The following UBE3A variants were observed in gnomAD, a reference collection of about 807,000 sequenced individuals.
UBE3A encodes ubiquitin protein ligase E3A.
A neutral mutation model predicts 83.4 loss-of-function variants in UBE3A; 6 were observed. The ratio of observed to expected loss-of-function variants is 0.07; its 90% CI spans 0.04 to 0.14. UBE3A has a LOEUF of 0.14. Among genes scored for constraint, UBE3A ranks in the 10% least tolerant of loss-of-function variants. The pLI, the probability that UBE3A is intolerant of heterozygous loss-of-function variation, is 1.00. For missense variants in UBE3A, 456 were observed against 1,036.1 expected, an observed-to-expected ratio of 0.44 and a Z score of 7.69; for synonymous variants, 337 against 355.4, an observed-to-expected ratio of 0.95 and a Z score of 0.58.
At chr15:25,400,365 T>C (rs1186245576) in intron 4 of UBE3A, among the ~76,000 whole-genome samples, 1 of 152,236 alleles carries the variant, frequency 6.6e-6, no homozygotes, top group East Asian at 1.9e-4. Flanking sequence ...CACATCCTCG[T>C]GTATACTTTA....
At chr15:25,413,268 A>C (rs1219743967) in intron 1 of UBE3A, among the ~76,000 whole-genome samples, 1 of 152,154 alleles carries the variant, frequency 6.6e-6, no homozygotes, top group Non-Finnish European at 1.5e-5. Flanking sequence ...ATAAATGCCT[A>C]TGTTGATCTA....
Position 25,375,197 on chromosome 15 carries a change from C to T in UBE3A, c.361+268G>A, listed in dbSNP as rs1183773022. 4 of 417,186 alleles carry T rather than the reference C, an allele frequency of 9.6e-6. No homozygotes were observed. The Admixed American group carries it at 1.6e-4, about 17-fold the overall frequency. The allele number at this position is 417,186 out of a possible 1,614,324, so 25.8% of individuals were successfully genotyped here. A position where few individuals can be genotyped will look rare whatever the true frequency, so the allele number is the denominator to read the frequency against. On this transcript the variant is annotated intron_variant, in intron 5 of 12. Transcript: ENST00000648336. ...TGGCCTAGTTTTGGAGATTCACTAC[C>T]ACTTAATACATTTTTCCTAAGAATT...
chr15:25,392,155 T>C (rs1025166663), intron 4 of UBE3A, among the ~76,000 whole-genome samples: 4 of 152,198 alleles, frequency 2.6e-5, no homozygotes, highest in Non-Finnish European at 5.9e-5. Flanking sequence ...TAACGTTCCA[T>C]GTGGGAAAAG....
At chr15:25,346,446 G>C (rs1595465693) in intron 11 of UBE3A, 1 of 118,584 alleles carries the variant, frequency 8.4e-6, no homozygotes, top group South Asian at 2.5e-4. Flanking sequence ...AAAAAGTACA[G>C]AGTCTCCTGA....
chr15:25,352,341 T>C (rs2076627774), intron 11 of UBE3A, among the ~76,000 whole-genome samples: 1 of 152,202 alleles, frequency 6.6e-6, no homozygotes, highest in African/African-American at 2.4e-5. Context: ...AACCAAAATA[T>C]CTATACAGGC....
intron 1 of UBE3A, among the ~76,000 whole-genome samples, chr15:25,414,973 G>C (rs1288056068): frequency 6.6e-6 from 1 of 152,136 alleles, no homozygotes; most frequent in Non-Finnish European, 1.5e-5. Flanking sequence ...TCTTACAAAA[G>C]AGAAAATTTT....
In UBE3A at chr15:25,371,151, C is replaced by T; in HGVS notation, c.1023G>A (p.Gln341=). The T allele has an allele frequency of 1.9e-6, 3 of 1,614,158 alleles. No homozygotes were observed. ...DQIRRMMETF[Q]QLITYKVISN... Reference sequence around the variant, plus strand: ...TTATGACTTTATAAGTAATAAGTTGCTGAAATGTCTCCATCATTCTCCGAA... The same window carrying T: ...TTATGACTTTATAAGTAATAAGTTGTTGAAATGTCTCCATCATTCTCCGAA... Residue 341 remains glutamine, a synonymous_variant, in exon 6 of 13, where the codon CAG becomes CAA. Transcript: ENST00000648336. This position sits in a 1 kb window ranked among gnomAD's most constrained non-coding sequence, Gnocchi z 5.3.
intron 4 of UBE3A, among the ~76,000 whole-genome samples, chr15:25,390,079 AATTAAAATTAT>A (rs918251554): frequency 6.6e-6 from 1 of 152,180 alleles, no homozygotes; most frequent in African/African-American, 2.4e-5. Flanking sequence ...GAGAAACACA[AATTAAAATTAT>A]AAGATACCTC....
At position 25,351,272 on chromosome 15, in the gene UBE3A, G is replaced by T. The variant is rs375544862; in HGVS notation, c.2354+3081C>A. ...GTTGATGAGAAAGAGTTTTTCTTAA[G>T]AAGTATTACAGGTAATAAAGGAAGG... On this transcript the variant is annotated intron_variant, in intron 11 of 12. Coordinates refer to ENST00000648336, the MANE Select transcript of UBE3A (RefSeq NM_130839.5). Among the ~76,000 whole-genome samples the T allele has an allele frequency of 5.3e-5, 8 of 152,238 alleles. 2 individuals are homozygous for T. Among genetic ancestry groups the T allele is most frequent in the African/African-American group, 1.7e-4 (7 of 41,532 alleles).
At chr15:25,388,759 T>A (rs1423414206) in intron 4 of UBE3A, among the ~76,000 whole-genome samples, 1 of 152,152 alleles carries the variant, frequency 6.6e-6, no homozygotes, top group Admixed American at 6.5e-5. Flanking sequence ...AATAAGTGAT[T>A]ATAGCAAAGC....
chr15:25,409,296 A>C (rs1473097171), intron 2 of UBE3A, 89 bp from the exon 3 acceptor site: 2 of 467,968 alleles, frequency 4.3e-6, no homozygotes, highest in Admixed American at 7.4e-5. Flanking sequence ...GCTTCAAATT[A>C]GGTGTCAATG....
intron 1 of UBE3A, among the ~76,000 whole-genome samples, chr15:25,425,498 A>AT (rs905541403): frequency 3.9e-5 from 6 of 151,994 alleles, no homozygotes; most frequent in Admixed American, 3.3e-4. Flanking sequence ...GTTTGGTAGG[A>AT]TTTTTTTTAA....
chr15:25,431,488 G>A (rs995247904), intron 1 of UBE3A, among the ~76,000 whole-genome samples: 5 of 152,142 alleles, frequency 3.3e-5, no homozygotes, highest in African/African-American at 4.8e-5. Context: ...GATTACAGAC[G>A]TGTGCCACCA....
chr15:25,412,925 G>A (rs1389439875), intron 1 of UBE3A: 2 of 402,898 alleles, frequency 5.0e-6, no homozygotes, highest in Non-Finnish European at 9.7e-6. Flanking sequence ...AGTGCATGAA[G>A]TAGGGGTAAA....
chr15:25,343,507 AAAG>A (rs1265885701), intron 11 of UBE3A, among the ~76,000 whole-genome samples: 2 of 152,318 alleles, frequency 1.3e-5, no homozygotes, highest in East Asian at 3.9e-4. Flanking sequence ...TAAGGTGACC[AAAG>A]AAGAAGCAGT....
intron 5 of UBE3A, among the ~76,000 whole-genome samples, chr15:25,373,029 C>T (rs2080559954): frequency 6.6e-6 from 1 of 152,120 alleles, no homozygotes; most frequent in South Asian, 2.1e-4. Flanking sequence ...TACAAGAGTA[C>T]CAACACTTAC....
rs1407383738 is a variant in UBE3A, at chr15:25,371,822, C to T, written c.362-10G>A. The T allele has an allele frequency of 3.7e-6, 6 of 1,600,434 alleles. No individual in the cohort carries two copies. Among genetic ancestry groups the T allele is most frequent in the Non-Finnish European group, 5.1e-6 (6 of 1,177,610 alleles). On this transcript the variant is annotated splice_polypyrimidine_tract_variant and intron_variant, in intron 5 of 12. Coordinates refer to ENST00000648336, the MANE Select transcript of UBE3A (RefSeq NM_130839.5). The surrounding 1 kb of genome is among the most constrained non-coding windows in gnomAD (Gnocchi z 5.3). ...GTTAAGTAAGTCACATCTAGAAAAT[C>T]AGAGGAAAAAAGAGAACATTTATTT...
intron 6 of UBE3A, among the ~76,000 whole-genome samples, chr15:25,364,532 T>C (rs1017467281): frequency 2.6e-5 from 4 of 152,094 alleles, no homozygotes; most frequent in African/African-American, 4.8e-5. Flanking sequence ...TTAAATGCAT[T>C]AGGATATTTG....
chr15:25,389,124 G>A (rs533579559), intron 4 of UBE3A, among the ~76,000 whole-genome samples: 170 of 152,200 alleles, frequency 1.1e-3, no homozygotes, highest in African/African-American at 3.9e-3. Flanking sequence ...ACAGACCAAC[G>A]AAACAGAATA....
Sources: allele counts gnomAD v4.1 joint callset (sites outside exome capture counted in the v4.1 genomes callset), GRCh38; gene constraint gnomAD v4.1.1; non-coding constraint Gnocchi (gnomAD v3.1); transcripts MANE v1.5; gene names NCBI Gene and HGNC (gene_info 2026-07-23, HGNC 2026-07-21).